Variants in ANK1 observed in about 807,000 individuals in gnomAD.
ANK1 encodes the protein ankyrin 1.
ANK1 carries 51 observed loss-of-function variants against 210.4 expected under a neutral mutation model. The ratio of observed to expected loss-of-function variants is 0.24; its 90% confidence interval spans 0.19 to 0.31. The LOEUF (loss-of-function observed/expected upper bound fraction) is 0.31, where lower values mean the gene tolerates loss of function less well. ANK1 is among the 10% of genes least tolerant of loss of function. ANK1 has a pLI of 1.00. For synonymous variants in ANK1, 967 were observed against 1,025.9 expected (o/e 0.94, Z 1.10); for missense variants, 2,051 against 2,504.4 (o/e 0.82, Z 3.86).
intron 29 of ANK1, 82 bp downstream of exon 29, chr8:41,693,816 C>T (rs543183966): frequency 7.5e-6 from 11 of 1,468,628 alleles, no homozygotes; most frequent in South Asian, 1.2e-5. Context: ...TTGCTGGCCT[C>T]GCCTTCTCGA....
In ANK1 at chr8:41,761,959, A is replaced by G. The variant is rs917938303; in HGVS notation, c.28-3822T>C. 3.3e-5 allele frequency among the ~76,000 whole-genome samples: 5 copies of G among 151,118 alleles called. No homozygotes were observed. In the South Asian group the frequency reaches 1.1e-3, roughly 32 times the overall value. ...AGCCAACCTCCTCCATCCCTGCCTC[A>G]CCCAGCCAACCTCCTCCATCCCTGC... On this transcript the variant is annotated intron_variant, in intron 1 of 42. Transcript: ENST00000289734.
intron 39 of ANK1, chr8:41,665,715 G>C (rs1245071324): frequency 5.8e-6 from 1 of 172,702 alleles, no homozygotes; most frequent in Admixed American, 5.6e-5. Flanking sequence ...GGACAGTCAA[G>C]TGAGCCCAGC....
intron 3 of ANK1, among the ~76,000 whole-genome samples, chr8:41,731,984 T>C (rs895892106): frequency 2.6e-5 from 4 of 152,130 alleles, no homozygotes; most frequent in Admixed American, 2.6e-4. Flanking sequence ...GAATTTGACA[T>C]AGAATTTGGG....
intron 1 of ANK1, among the ~76,000 whole-genome samples, chr8:41,854,205 T>A (rs1029139375): frequency 5.3e-5 from 8 of 152,162 alleles, no homozygotes; most frequent in African/African-American, 1.9e-4. Context: ...AGAGAGAACA[T>A]CTTTCATATA....
chr8:41,668,469 G>C lies in ANK1; in HGVS notation c.5192C>G (p.Ser1731Ter). 6.2e-7 allele frequency: 1 copy of C among 1,614,238 alleles called. No homozygotes were observed. The highest frequency in any genetic ancestry group is 8.5e-7 in the Non-Finnish European group (1 of 1,180,036). ...WQEEVTQGPH[S>*]FQGTSTMTEG... ...AGTCATGGTACTTGTTCCCTGGAAT[G>C]AGTGTGGACCTTGCGTGACCTCCTC... Residue 1731 changes from serine to a stop codon, truncating the protein, a stop_gained, in exon 39 of 43, where the codon TCA becomes TGA. Coordinates refer to ENST00000289734, the MANE Select transcript of ANK1 (RefSeq NM_000037.4). LOFTEE classifies it high-confidence loss of function.
At chr8:41,670,881 G>A (rs1169476695) in intron 38 of ANK1, among the ~76,000 whole-genome samples, 3 of 152,346 alleles carry the variant, frequency 2.0e-5, no homozygotes, top group East Asian at 3.9e-4. Context: ...GCAAGCCAAG[G>A]TGACCTGGAG....
chr8:41,889,905 G>A (rs1343103960), intron 1 of ANK1, among the ~76,000 whole-genome samples: 2 of 152,196 alleles, frequency 1.3e-5, no homozygotes, highest in African/African-American at 4.8e-5. Flanking sequence ...GCGCAGGTCT[G>A]CAATAAAAAT....
chr8:41,819,466 T>C (rs998383916), intron 1 of ANK1, among the ~76,000 whole-genome samples: 8 of 152,214 alleles, frequency 5.3e-5, no homozygotes, highest in African/African-American at 1.9e-4. Context: ...AAGACCTTCA[T>C]TGCCACAGGT....
Position 41,672,802 on chromosome 8 carries a change from T to C in ANK1, c.4648A>G (p.Ile1550Val), listed in dbSNP as rs775324444. 1.2e-6 allele frequency: 2 copies of C among 1,606,006 alleles called. No homozygotes were observed. Among genetic ancestry groups the C allele is most frequent in the East Asian group, 4.5e-5 (2 of 44,726 alleles). The change falls in exon 38 of 43, where the codon ATC (isoleucine) becomes GTC (valine). Residue 1550 changes from isoleucine to valine, a missense_variant. Physicochemically the swap from Ile to Val is conservative, Grantham distance 29. Coordinates refer to ENST00000289734, the MANE Select transcript of ANK1 (RefSeq NM_000037.4). ...YWNEVAVLDA[I>V]PLAATEHDTM... ...TCATGCTCCGTGGCCGCCAAGGGGA[T>C]GGCGTCTAGGACGGCCACCTCATTC... is the stretch of plus-strand genomic sequence containing the variant.
intron 37 of ANK1, among the ~76,000 whole-genome samples, chr8:41,678,349 C>T (rs576154490): frequency 1.1e-4 from 16 of 152,218 alleles, no homozygotes; most frequent in African/African-American, 3.9e-4. Context: ...ACTATGTTGG[C>T]CAGGCTGGTC....
intron 1 of ANK1, among the ~76,000 whole-genome samples, chr8:41,832,247 G>A (rs1055782228): frequency 5.3e-5 from 8 of 152,142 alleles, no homozygotes; most frequent in Admixed American, 2.0e-4. Flanking sequence ...CCACCAGAAG[G>A]GGAGAGACGG....
chr8:41,829,296 C>G (rs1038246115), intron 1 of ANK1: 2 of 152,248 alleles, frequency 1.3e-5, no homozygotes, highest in Admixed American at 6.5e-5. Flanking sequence ...ATGAACTTAG[C>G]TTTCGTCGCT....
At chr8:41,856,609 T>C (rs1327406250) in intron 1 of ANK1, among the ~76,000 whole-genome samples, 1 of 152,172 alleles carries the variant, frequency 6.6e-6, no homozygotes, top group Non-Finnish European at 1.5e-5. Flanking sequence ...GTAACACTAA[T>C]CCAAAAATCT....
chr8:41,795,430 A>G (rs1848570255), intron 1 of ANK1, among the ~76,000 whole-genome samples: 2 of 152,176 alleles, frequency 1.3e-5, no homozygotes, highest in Non-Finnish European at 2.9e-5. Context: ...GATTGCTTGA[A>G]TACAGGAGGC....
chr8:41,717,574 G>C (rs746948631), intron 12 of ANK1, 30 bp downstream of exon 12: 25 of 1,537,006 alleles, frequency 1.6e-5, no homozygotes, highest in Non-Finnish European at 2.2e-5. Context: ...TGGTCTAGGG[G>C]AGCAAGCCCC....
chr8:41,884,966 G>C (rs1340431750), intron 1 of ANK1, among the ~76,000 whole-genome samples: 2 of 152,214 alleles, frequency 1.3e-5, no homozygotes, highest in East Asian at 1.9e-4. Context: ...GAGGGGTGAG[G>C]CACAGTGGTC....
At chr8:41,884,306 C>A (rs912086709) in intron 1 of ANK1, among the ~76,000 whole-genome samples, 1 of 152,164 alleles carries the variant, frequency 6.6e-6, no homozygotes, top group African/African-American at 2.4e-5. Flanking sequence ...CAAGAACACG[C>A]CATTGCACTC....
At chr8:41,793,027 G>C (rs1848059556) in intron 1 of ANK1, among the ~76,000 whole-genome samples, 1 of 152,236 alleles carries the variant, frequency 6.6e-6, no homozygotes, top group Non-Finnish European at 1.5e-5. Flanking sequence ...TCCAAGTGCA[G>C]CCTGTTGAAG....
At chr8:41,875,628 G>A (rs889908955) in intron 1 of ANK1, among the ~76,000 whole-genome samples, 2 of 152,210 alleles carry the variant, frequency 1.3e-5, no homozygotes, top group African/African-American at 4.8e-5. Context: ...TCCTGTGCCA[G>A]GGATGCGTGA....
Sources: gnomAD v4.1 joint callset for allele counts (sites outside exome capture counted in the v4.1 genomes callset) on GRCh38, gnomAD v4.1.1 for gene constraint, MANE v1.5 for transcripts, NCBI Gene and HGNC (gene_info 2026-07-23, HGNC 2026-07-21) for gene names.